CLOCK: variants seen among roughly 807,000 people sequenced by gnomAD.
CLOCK encodes clock circadian regulator.
In CLOCK, 43 loss-of-function variants were observed where a neutral mutation model predicts 118.4. The observed-to-expected ratio is 0.36, with a 90% CI of 0.28 to 0.47. The LOEUF is 0.47. Ranked by LOEUF, CLOCK falls within the 20% of genes least tolerant of loss-of-function variation. CLOCK has a pLI of 1.00. For missense variants in CLOCK, 846 were observed against 999.9 expected, an observed-to-expected ratio of 0.85 and a Z score of 2.08; for synonymous variants, 326 against 339.2, an observed-to-expected ratio of 0.96 and a Z score of 0.43.
chr4:55,450,778 A>G (rs1724369353), intron 15 of CLOCK, among the ~76,000 whole-genome samples: 1 of 152,138 alleles, frequency 6.6e-6, no homozygotes, highest in Non-Finnish European at 1.5e-5. Flanking sequence ...CAAAAAAAAA[A>G]AAACATTAAC....
At chr4:55,465,262 T>C (rs1240582400) in intron 8 of CLOCK, among the ~76,000 whole-genome samples, 2 of 152,342 alleles carry the variant, frequency 1.3e-5, no homozygotes, top group African/African-American at 2.4e-5. Context: ...ATTTAATGTA[T>C]GTAAATGGGA....
chr4:55,518,310 G>A (rs1188914776), intron 1 of CLOCK, among the ~76,000 whole-genome samples: 2 of 152,152 alleles, frequency 1.3e-5, no homozygotes, highest in African/African-American at 4.8e-5. Context: ...AAATGCAGAG[G>A]AGAGAGGACG....
At chr4:55,439,977 C>CTT (rs1723218666) in intron 21 of CLOCK, among the ~76,000 whole-genome samples, 1 of 152,008 alleles carries the variant, frequency 6.6e-6, no homozygotes, top group African/African-American at 2.4e-5. Flanking sequence ...AAACGGTTAA[C>CTT]ATGGTAACTT....
chr4:55,518,258 C>T (rs1729643096), intron 1 of CLOCK, among the ~76,000 whole-genome samples: 1 of 152,008 alleles, frequency 6.6e-6, no homozygotes, highest in South Asian at 2.1e-4. Context: ...TATGACATTA[C>T]CAAGCTATGC....
chr4:55,501,222 G>A (rs1728412105), intron 2 of CLOCK, among the ~76,000 whole-genome samples: 1 of 152,062 alleles, frequency 6.6e-6, no homozygotes, highest in Admixed American at 6.5e-5. Flanking sequence ...TGGTAGTCCT[G>A]GAATATAATC....
At chr4:55,480,821 G>A (rs1238978799) in intron 4 of CLOCK, among the ~76,000 whole-genome samples, 1 of 151,498 alleles carries the variant, frequency 6.6e-6, no homozygotes. Context: ...AACCCAGGAG[G>A]TGGAGCTTGC....
At chr4:55,453,548 G>T (rs1724658729) in intron 14 of CLOCK, 129 bp downstream of exon 14, 2 of 642,988 alleles carry the variant, frequency 3.1e-6, no homozygotes, top group Admixed American at 2.9e-5. Context: ...ATAATATATT[G>T]AAAGGATCTA....
chr4:55,470,397 C>T (rs971645005), intron 8 of CLOCK, among the ~76,000 whole-genome samples: 2 of 152,122 alleles, frequency 1.3e-5, no homozygotes, highest in African/African-American at 4.8e-5. Flanking sequence ...GCTATATATA[C>T]CATATAGCCT....
chr4:55,497,615 T>G (rs2109975810), intron 2 of CLOCK, among the ~76,000 whole-genome samples: 1 of 152,318 alleles, frequency 6.6e-6, no homozygotes, highest in Non-Finnish European at 1.5e-5. Context: ...GTTCTTAACT[T>G]CTGAACTATC....
At chr4:55,473,249 T>C (rs531661812) in intron 7 of CLOCK, among the ~76,000 whole-genome samples, 139 of 151,394 alleles carry the variant, frequency 9.2e-4, no homozygotes, top group African/African-American at 3.0e-3. Flanking sequence ...AAGACAAGTG[T>C]TCCTCAATTT....
At chr4:55,539,589 A>G (rs1414476694) in intron 1 of CLOCK, among the ~76,000 whole-genome samples, 1 of 150,980 alleles carries the variant, frequency 6.6e-6, no homozygotes, top group African/African-American at 2.4e-5. Context: ...AAAAAAAAAA[A>G]AAAAAAAAAA....
At chr4:55,541,211 A>G (rs1311247958) in intron 1 of CLOCK, among the ~76,000 whole-genome samples, 1 of 152,352 alleles carries the variant, frequency 6.6e-6, no homozygotes, top group East Asian at 1.9e-4. Context: ...AGTTACACCT[A>G]ATAGGGCTTT....
chr4:55,518,990 A>C (rs1729687770), intron 1 of CLOCK, among the ~76,000 whole-genome samples: 1 of 152,124 alleles, frequency 6.6e-6, no homozygotes, highest in East Asian at 1.9e-4. Context: ...CACCTTTCAA[A>C]ACATTCTCAT....
rs535392298 is a variant in CLOCK at position 55,447,915 on chromosome 4, C to G, written c.1539+864G>C. Among the ~76,000 whole-genome samples, 10 of 152,232 alleles carry G rather than the reference C, an allele frequency of 6.6e-5. No homozygotes were observed. The South Asian group carries it at 1.9e-3, about 28-fold the overall frequency. ...CATAGTATTTTTAATGTGTTTGAGG[C>G]ACTGAATGAGTACAGAGTCATAAAT... On this transcript the variant is annotated intron_variant, in intron 18 of 22. Coordinates refer to ENST00000513440, the MANE Select transcript of CLOCK (RefSeq NM_004898.4).
intron 3 of CLOCK, among the ~76,000 whole-genome samples, chr4:55,485,646 C>T (rs1355509269): frequency 2.6e-5 from 4 of 151,886 alleles, no homozygotes; most frequent in Non-Finnish European, 5.9e-5. Flanking sequence ...TTTTTAAGTT[C>T]GACATTAGAC....
chr4:55,477,559 G>C (rs1181932290), intron 6 of CLOCK, among the ~76,000 whole-genome samples: 2 of 152,072 alleles, frequency 1.3e-5, no homozygotes, highest in African/African-American at 4.8e-5. Context: ...GGCAAGTTAA[G>C]AGAAAGAGGT....
Position 55,429,798 on chromosome 4 carries a change from A to T in CLOCK, c.*5617T>A, listed in dbSNP as rs151261702. On this transcript the variant is annotated 3_prime_UTR_variant, in exon 23 of 23. Transcript: ENST00000513440. Reference sequence around the variant, plus strand: ...ACTAGAAAAAGGTTGGAACTGTATGAATCAGATTTGAAAGGAGTTATTTCT... The same window carrying T: ...ACTAGAAAAAGGTTGGAACTGTATGTATCAGATTTGAAAGGAGTTATTTCT... 13 of 152,320 alleles carry T rather than the reference A, an allele frequency of 8.5e-5. No individual in the cohort carries two copies. The highest frequency in any genetic ancestry group is 2.9e-4 in the African/African-American group (12 of 41,566). The allele number at this position is 152,320 out of a possible 1,614,324, so 9.4% of individuals were successfully genotyped here.
At chr4:55,495,315 T>G (rs1727991681) in intron 2 of CLOCK, among the ~76,000 whole-genome samples, 1 of 152,192 alleles carries the variant, frequency 6.6e-6, no homozygotes, top group South Asian at 2.1e-4. Flanking sequence ...TGTTGCACAC[T>G]CTTCACCTTA....
At chr4:55,518,379 A>G (rs1729652242) in intron 1 of CLOCK, among the ~76,000 whole-genome samples, 1 of 152,216 alleles carries the variant, frequency 6.6e-6, no homozygotes, top group Non-Finnish European at 1.5e-5. Context: ...AGATTTTCCC[A>G]CAGGGTATTA....
Sources: allele counts gnomAD v4.1 joint callset (sites outside exome capture counted in the v4.1 genomes callset), GRCh38; gene constraint gnomAD v4.1.1; transcripts MANE v1.5; gene names NCBI Gene and HGNC (gene_info 2026-07-23, HGNC 2026-07-21).